The following NID1 variants were observed in gnomAD, a reference collection of about 807,000 sequenced individuals.
The protein encoded by NID1 is nidogen-1.
NID1 carries 76 observed loss-of-function variants against 130.6 expected under a neutral mutation model. That is an observed-to-expected ratio of 0.58 (90% CI 0.48 to 0.70). The LOEUF is 0.70. Ranked by LOEUF, NID1 falls within the 30% of genes least tolerant of loss-of-function variation. The probability of loss-of-function intolerance (pLI) is 0.00; values close to 1 mark genes in which losing one functional copy is unlikely to be tolerated. For synonymous variants in NID1, 665 were observed against 675.1 expected (o/e 0.98, Z 0.23); for missense variants, 1,517 against 1,664.8 (o/e 0.91, Z 1.54).
At chr1:235,985,566 T>C (rs1462451606) in intron 14 of NID1, 61 bp from the exon 15 acceptor site, 3 of 1,585,336 alleles carry the variant, frequency 1.9e-6, no homozygotes, top group Non-Finnish European at 2.6e-6. Flanking sequence ...GTGAGAATCT[T>C]TTTGCGTGCC....
intron 12 of NID1, among the ~76,000 whole-genome samples, chr1:236,008,276 A>C (rs1467933910): frequency 6.6e-6 from 1 of 152,138 alleles, no homozygotes; most frequent in East Asian, 1.9e-4. Flanking sequence ...ACAAATCGCA[A>C]TTTCTCGTAG....
At chr1:236,043,905 A>T (rs1353252763) in intron 3 of NID1, among the ~76,000 whole-genome samples, 2 of 152,250 alleles carry the variant, frequency 1.3e-5, no homozygotes, top group Non-Finnish European at 2.9e-5. Flanking sequence ...GTGAAAAGCA[A>T]ATGAGATACA....
chr1:236,023,126 A>G (rs1658813300), intron 9 of NID1, among the ~76,000 whole-genome samples: 1 of 152,160 alleles, frequency 6.6e-6, no homozygotes, highest in African/African-American at 2.4e-5. Context: ...ATATATGCCC[A>G]AAAGAACGGA....
At chr1:236,035,757 T>C (rs1368942847) in intron 5 of NID1, among the ~76,000 whole-genome samples, 1 of 152,222 alleles carries the variant, frequency 6.6e-6, no homozygotes, top group Non-Finnish European at 1.5e-5. Flanking sequence ...ACAGGTTCTC[T>C]GATCAGCCAG....
intron 4 of NID1, among the ~76,000 whole-genome samples, chr1:236,041,407 T>A (rs528695837): frequency 2.1e-4 from 32 of 152,116 alleles, no homozygotes; most frequent in Middle Eastern, 3.4e-3. Context: ...ATATATATAT[T>A]TTTTAATCTT....
intron 1 of NID1, among the ~76,000 whole-genome samples, chr1:236,055,091 T>G (rs1659859866): frequency 6.6e-6 from 1 of 152,006 alleles, no homozygotes; most frequent in Non-Finnish European, 1.5e-5. Context: ...GATCACGAGG[T>G]CAGGAGATCG....
intron 9 of NID1, among the ~76,000 whole-genome samples, chr1:236,021,202 A>G (rs1033564918): frequency 3.9e-5 from 6 of 152,178 alleles, no homozygotes; most frequent in Non-Finnish European, 8.8e-5. Context: ...ACACAGCATC[A>G]TGCTGCTTTG....
Position 236,013,495 on chromosome 1 carries a change from G to T in NID1, c.2320C>A (p.Arg774=). 6.2e-7 allele frequency: 1 copy of T among 1,613,658 alleles called. No homozygotes were observed. Among genetic ancestry groups the T allele is most frequent in the Non-Finnish European group, 8.5e-7 (1 of 1,179,874 alleles). Residue 774 remains arginine, a synonymous_variant, in exon 11 of 20, where the codon CGG becomes AGG. Transcript: ENST00000264187. ...CCTCCTGTGTAGATACACTGGGCCCGCTGGGGTATGTCGCAGTTATGAAGG... is the reference window on the plus strand; with the variant it reads ...CCTCCTGTGTAGATACACTGGGCCCTCTGGGGTATGTCGCAGTTATGAAGG... The part of the protein sequence containing the change: ...TGLHNCDIPQ[R]AQCIYTGGSS...
At position 236,032,429 on chromosome 1, in the gene NID1, G is replaced by A. The variant is rs556377541; in HGVS notation, c.1509C>T (p.Asp503=). The change falls in exon 6 of 20, where the codon GAC becomes GAT. Residue 503 remains aspartate (D), a synonymous_variant. Transcript: ENST00000264187. The part of the protein sequence containing the change: ...IIGWMFAVEQ[D]GFKNGFSITG... ...TGATGCTGAACCCATTCTTGAATCC[G>A]TCCTGCTCCACTGCAAACATCCATC... 27 of 1,614,018 alleles carry A rather than the reference G, an allele frequency of 1.7e-5. No individual in the cohort carries two copies. Among genetic ancestry groups the A allele is most frequent in the Admixed American group, 5.0e-5 (3 of 60,002 alleles).
At chr1:235,997,598 T>C (rs1657962107) in intron 12 of NID1, among the ~76,000 whole-genome samples, 1 of 147,712 alleles carries the variant, frequency 6.8e-6, no homozygotes, top group African/African-American at 2.5e-5. Flanking sequence ...CTCAGTTCCA[T>C]TACTTTTTTT....
Position 236,041,953 on chromosome 1 carries a change from G to T in NID1, c.1092C>A (p.His364Gln), listed in dbSNP as rs1659464425. 1 of 1,613,960 alleles carries T rather than the reference G, an allele frequency of 6.2e-7. No individual in the cohort carries two copies. The highest frequency in any genetic ancestry group is 2.2e-5 in the East Asian group (1 of 44,872). ...QLAVETFHQQ[H>Q]PQVIDVDEVE... is the part of the protein sequence containing the mutation. Reference sequence around the variant, plus strand: ...CTTCATCCACATCTATGACCTGAGGGTGCTGCTGGTGAAAAGTCTCCACTG... The same window carrying T: ...CTTCATCCACATCTATGACCTGAGGTTGCTGCTGGTGAAAAGTCTCCACTG... Residue 364 changes from histidine to glutamine, a missense_variant, in exon 4 of 20, where the codon CAC (histidine) becomes CAA (glutamine). Physicochemically the swap from His to Gln is conservative, Grantham distance 24. Transcript: ENST00000264187.
Position 236,012,578 on chromosome 1 carries a change from A to AAAAAAG in NID1, c.2405-536_2405-535insCTTTTT, listed in dbSNP as rs1553343926. ...CATCTCAAAAAAAAAAAAAAAAAAA[A>AAAAAAG]AAAGAAAGAAAAGAATGTTTTCATC... is the stretch of plus-strand genomic sequence containing the variant. On this transcript the variant is annotated intron_variant, in intron 11 of 19. Transcript: ENST00000264187. 1.1e-3 allele frequency among the ~76,000 whole-genome samples: 113 copies of AAAAAAG among 99,502 alleles called. 2 individuals are homozygous for AAAAAAG. Among genetic ancestry groups the AAAAAAG allele is most frequent in the African/African-American group, 3.1e-3 (70 of 22,882 alleles). The allele number at this position is 99,502 out of a possible 152,430, so 65.3% of individuals were successfully genotyped here. A position where few individuals can be genotyped will look rare whatever the true frequency, so the allele number is the denominator to read the frequency against.
At chr1:236,023,378 T>A (rs906395547) in intron 9 of NID1, among the ~76,000 whole-genome samples, 5 of 152,184 alleles carry the variant, frequency 3.3e-5, no homozygotes, top group African/African-American at 9.7e-5. Context: ...AGAACAAATA[T>A]GATTCCACAT....
intron 10 of NID1, among the ~76,000 whole-genome samples, chr1:236,014,213 C>CA (rs1658518165): frequency 6.6e-6 from 1 of 150,766 alleles, no homozygotes; most frequent in Admixed American, 6.6e-5. Flanking sequence ...TTCCCCCCAC[C>CA]CCCTCAACTC....
intron 2 of NID1, among the ~76,000 whole-genome samples, chr1:236,046,861 C>T (rs2102844158): frequency 6.6e-6 from 1 of 152,290 alleles, no homozygotes; most frequent in East Asian, 1.9e-4. Flanking sequence ...ACAGACTTTC[C>T]CAAAGTGTGC....
At chr1:236,008,727 C>T (rs373945698) in intron 12 of NID1, among the ~76,000 whole-genome samples, 1 of 151,190 alleles carries the variant, frequency 6.6e-6, no homozygotes, top group Non-Finnish European at 1.5e-5. Context: ...AATGCAACGG[C>T]GTGATCTCGG....
chr1:236,031,737 C>T (rs906339745), intron 6 of NID1, among the ~76,000 whole-genome samples: 1 of 152,188 alleles, frequency 6.6e-6, no homozygotes, highest in Non-Finnish European at 1.5e-5. Context: ...CTCCAGCATG[C>T]AAAGGTTGGG....
rs4659620 is a variant in NID1, at chr1:236,038,309, T to G, written c.1136-56A>C. 0.24 allele frequency: 384,184 copies of G among 1,572,070 alleles called. 50,516 individuals are homozygous for G. The highest frequency in any genetic ancestry group is 0.27 in the Non-Finnish European group (315,341 of 1,150,776). On this transcript the variant is annotated intron_variant, in intron 4 of 19. Coordinates refer to ENST00000264187, the MANE Select transcript of NID1 (RefSeq NM_002508.3). ...AGCATTTCATGCAGCTCTAGCCCGG[T>G]GGGCTCTCTCATCTAGGCACCCTCA...
intron 1 of NID1, among the ~76,000 whole-genome samples, chr1:236,054,239 T>C (rs750506446): frequency 2.0e-5 from 3 of 152,224 alleles, no homozygotes; most frequent in Non-Finnish European, 4.4e-5. Context: ...GCAGATCACC[T>C]GTGGTCAGGA....
Sources: allele counts gnomAD v4.1 joint callset (sites outside exome capture counted in the v4.1 genomes callset), GRCh38; gene constraint gnomAD v4.1.1; transcripts MANE v1.5; gene names NCBI Gene and HGNC (gene_info 2026-07-23, HGNC 2026-07-21).